The following AGAP1 variants were observed in gnomAD, a reference collection of about 807,000 sequenced individuals.
The protein encoded by AGAP1 is arf-GAP with GTPase, ANK repeat and PH domain-containing protein 1.
A neutral mutation model predicts 105.3 loss-of-function variants in AGAP1; 29 were observed. That is an observed-to-expected ratio of 0.28 (90% CI 0.21 to 0.38). The LOEUF (loss-of-function observed/expected upper bound fraction) is 0.38. Among genes scored for constraint, AGAP1 ranks in the 10% least tolerant of loss-of-function variants. The pLI is 1.00. For synonymous variants in AGAP1, 509 were observed against 485.9 expected (o/e 1.05, Z -0.63); for missense variants, 998 against 1,165.1 (o/e 0.86, Z 2.09).
At chr2:235,844,499 T>C (rs1020311269) in intron 9 of AGAP1, among the ~76,000 whole-genome samples, 4 of 152,198 alleles carry the variant, frequency 2.6e-5, no homozygotes, top group African/African-American at 9.7e-5. Flanking sequence ...TTATGCACTT[T>C]TGGGGGCTGA....
At chr2:235,779,866 CT>C (rs2149920195) in intron 6 of AGAP1, among the ~76,000 whole-genome samples, 1 of 152,348 alleles carries the variant, frequency 6.6e-6, no homozygotes, top group Non-Finnish European at 1.5e-5. Context: ...GCCGGGACCC[CT>C]GGTAGCTGCT....
chr2:235,537,778 C>T (rs762051284), intron 1 of AGAP1, among the ~76,000 whole-genome samples: 3 of 152,072 alleles, frequency 2.0e-5, no homozygotes, highest in African/African-American at 7.2e-5. Context: ...ACTGAATGAT[C>T]GGAAGGACTC....
rs1160420010 is a variant in AGAP1, at chr2:236,055,370, CAG to C, written c.2114+6090_2114+6091del. Among the ~76,000 whole-genome samples, 1 of 152,226 alleles carries C rather than the reference CAG, an allele frequency of 6.6e-6. No homozygotes were observed. The highest frequency in any genetic ancestry group is 1.5e-5 in the Non-Finnish European group (1 of 68,046). ...TTTCATGTGTTTCTTTCAGTGCTCT[CAG>C]GGAGAATTCTGTTTGTGGAGGAAGC... On this transcript the variant is annotated intron_variant, in intron 16 of 17. Coordinates refer to ENST00000304032, the MANE Select transcript of AGAP1 (RefSeq NM_001037131.3). This position sits in a 1 kb window ranked among gnomAD's most constrained non-coding sequence, Gnocchi z 6.2.
At position 235,599,624 on chromosome 2, in the gene AGAP1, A is replaced by G. The variant is rs1945661447; in HGVS notation, c.163+104775A>G. On this transcript the variant is annotated intron_variant, in intron 1 of 17. Coordinates refer to ENST00000304032, the MANE Select transcript of AGAP1 (RefSeq NM_001037131.3). The surrounding 1 kb of genome is among the most constrained non-coding windows in gnomAD (Gnocchi z 5.3). ...CCTGCCATGGCCCATGTGGCTCCGG[A>G]AGTTCCTGGGAGTGGCTCGTAGAGC... is the stretch of plus-strand genomic sequence containing the variant. 1.3e-5 allele frequency among the ~76,000 whole-genome samples: 2 copies of G among 152,118 alleles called. No homozygotes were observed. The highest frequency in any genetic ancestry group is 2.9e-5 in the Non-Finnish European group (2 of 68,024).
At position 235,751,987 on chromosome 2, in the gene AGAP1, GA is replaced by G; in HGVS notation, c.673+1500del. Among the ~76,000 whole-genome samples the G allele has an allele frequency of 6.6e-6, 1 of 152,320 alleles. No individual in the cohort carries two copies. On this transcript the variant is annotated intron_variant, in intron 6 of 17. Transcript: ENST00000304032. The surrounding 1 kb of genome is among the most constrained non-coding windows in gnomAD (Gnocchi z 5.3). ...TCAAGCCGTGCTGGTGAACATGAGTGAGATGTTAGTGAGACTTGGAAGAACT... is the reference window on the plus strand; with the variant it reads ...TCAAGCCGTGCTGGTGAACATGAGTGGATGTTAGTGAGACTTGGAAGAACT...
chr2:235,724,532 G>T lies in AGAP1; in HGVS notation c.310+6888G>T, dbSNP rs754372644. Among the ~76,000 whole-genome samples the T allele has an allele frequency of 2.0e-5, 3 of 152,198 alleles. No homozygotes were observed. The highest frequency in any genetic ancestry group is 1.3e-4 in the Admixed American group (2 of 15,288). ...CTCTTTCACTCAGGAGCCTGCCAGCGTAGGGCAGGGGAAGTCAGTGCCCTC... is the reference window on the plus strand; with the variant it reads ...CTCTTTCACTCAGGAGCCTGCCAGCTTAGGGCAGGGGAAGTCAGTGCCCTC... On this transcript the variant is annotated intron_variant, in intron 3 of 17. Transcript: ENST00000304032. This position sits in a 1 kb window ranked among gnomAD's most constrained non-coding sequence, Gnocchi z 4.9.
At chr2:235,508,184 G>A (rs866978850) in intron 1 of AGAP1, among the ~76,000 whole-genome samples, 4 of 152,156 alleles carry the variant, frequency 2.6e-5, no homozygotes, top group Admixed American at 2.0e-4. Flanking sequence ...TCAGCCCATC[G>A]ATGGGCATTT....
At chr2:235,940,508 G>T (rs1255940157) in intron 12 of AGAP1, among the ~76,000 whole-genome samples, 1 of 152,146 alleles carries the variant, frequency 6.6e-6, no homozygotes, top group African/African-American at 2.4e-5. Flanking sequence ...CTGAGATCTG[G>T]GATGAGTCAT....
At position 236,038,610 on chromosome 2, in the gene AGAP1, T is replaced by C. The variant is rs1420769989; in HGVS notation, c.1800+1895T>C. Among the ~76,000 whole-genome samples the C allele has an allele frequency of 6.6e-6, 1 of 152,124 alleles. No individual in the cohort carries two copies. The highest frequency in any genetic ancestry group is 1.5e-5 in the Non-Finnish European group (1 of 68,020). ...TCATCGTGGGCATTGGTTGAACAGG[T>C]GTGAGGGCATAAAACATGGAAATAC... On this transcript the variant is annotated intron_variant, in intron 14 of 17. Coordinates refer to ENST00000304032, the MANE Select transcript of AGAP1 (RefSeq NM_001037131.3). This position sits in a 1 kb window ranked among gnomAD's most constrained non-coding sequence, Gnocchi z 4.5.
chr2:235,833,599 A>G (rs1173291029), intron 9 of AGAP1, among the ~76,000 whole-genome samples: 2 of 151,076 alleles, frequency 1.3e-5, no homozygotes, highest in Non-Finnish European at 2.9e-5. Flanking sequence ...CCTGGCTTCC[A>G]TGTGGGTAGA....
rs1403097826 is a variant in AGAP1 at position 235,578,194 on chromosome 2, C to T, written c.163+83345C>T. 6.6e-6 allele frequency among the ~76,000 whole-genome samples: 1 copy of T among 152,140 alleles called. No homozygotes were observed. The highest frequency in any genetic ancestry group is 1.5e-5 in the Non-Finnish European group (1 of 68,030). On this transcript the variant is annotated intron_variant, in intron 1 of 17. Coordinates refer to ENST00000304032, the MANE Select transcript of AGAP1 (RefSeq NM_001037131.3). This position sits in a 1 kb window ranked among gnomAD's most constrained non-coding sequence, Gnocchi z 4.9. ...CCACCAAGGTTGGAGCTGAGCCCCCCATGTCATGAAACTGCCACTGTCAGA... is the reference window on the plus strand; with the variant it reads ...CCACCAAGGTTGGAGCTGAGCCCCCTATGTCATGAAACTGCCACTGTCAGA...
intron 6 of AGAP1, among the ~76,000 whole-genome samples, chr2:235,786,032 C>T (rs1956614219): frequency 6.6e-6 from 1 of 152,206 alleles, no homozygotes; most frequent in Non-Finnish European, 1.5e-5. Flanking sequence ...ATGGCAGAAA[C>T]ATTTCTGCTC....
chr2:236,084,442 G>T (rs992533633), intron 16 of AGAP1, among the ~76,000 whole-genome samples: 3 of 152,148 alleles, frequency 2.0e-5, no homozygotes, highest in Non-Finnish European at 4.4e-5. Flanking sequence ...TTTTTAAATA[G>T]CCATAATGCA....
chr2:235,895,290 C>G (rs1185821571), intron 10 of AGAP1, among the ~76,000 whole-genome samples: 1 of 152,122 alleles, frequency 6.6e-6, no homozygotes, highest in African/African-American at 2.4e-5. Context: ...TGGAGAAGAT[C>G]CCCTCTCCCG....
intron 13 of AGAP1, among the ~76,000 whole-genome samples, chr2:236,007,826 G>A (rs73121815): frequency 0.01 from 1,571 of 152,252 alleles, 36 homozygotes; most frequent in African/African-American, 0.036. Context: ...CCTGCTATCC[G>A]CTTCACAGAG....
chr2:235,871,382 C>G (rs1030759634), intron 9 of AGAP1, among the ~76,000 whole-genome samples: 5 of 152,190 alleles, frequency 3.3e-5, no homozygotes, highest in African/African-American at 1.2e-4. Flanking sequence ...TGCAGGCTCA[C>G]GAGGCACTCT....
In AGAP1 at chr2:236,121,437, A is replaced by AT. The variant is rs1404866864; in HGVS notation, c.2370+992dup. On this transcript the variant is annotated intron_variant, in intron 17 of 17. Coordinates refer to ENST00000304032, the MANE Select transcript of AGAP1 (RefSeq NM_001037131.3). This position sits in a 1 kb window ranked among gnomAD's most constrained non-coding sequence, Gnocchi z 4.9. ...TGCCTCAGCCTCCCAGGAAGCTGGG[A>AT]TTACAGGTGCGCACCACCACGCCCA... Among the ~76,000 whole-genome samples, 5 of 152,256 alleles carry AT rather than the reference A, an allele frequency of 3.3e-5. No individual in the cohort carries two copies. In the East Asian group the frequency reaches 7.8e-4, roughly 24 times the overall value.
Position 235,799,592 on chromosome 2 carries a change from C to T in AGAP1, c.957+70C>T, listed in dbSNP as rs1333595593. 2 of 1,536,344 alleles carry T rather than the reference C, an allele frequency of 1.3e-6. No individual in the cohort carries two copies. The highest frequency in any genetic ancestry group is 1.2e-5 in the South Asian group (1 of 85,172). ...GTTCCCATTAACGTAAACCTGGTTG[C>T]CACATGGTTCAGTGGTATTTGTAGA... On this transcript the variant is annotated intron_variant, in intron 8 of 17. Transcript: ENST00000304032. The surrounding 1 kb of genome is among the most constrained non-coding windows in gnomAD (Gnocchi z 5.0).
At chr2:235,746,527 G>A (rs1391847250) in intron 5 of AGAP1, among the ~76,000 whole-genome samples, 2 of 151,444 alleles carry the variant, frequency 1.3e-5, no homozygotes, top group Admixed American at 1.3e-4. Flanking sequence ...TGTTCACCAG[G>A]AGACAAGGCC....
Sources: allele counts gnomAD v4.1 joint callset (sites outside exome capture counted in the v4.1 genomes callset), GRCh38; gene constraint gnomAD v4.1.1; non-coding constraint Gnocchi (gnomAD v3.1); transcripts MANE v1.5; gene names NCBI Gene and HGNC (gene_info 2026-07-23, HGNC 2026-07-21).